Variants in GALNT15 observed in about 807,000 individuals in gnomAD.
The protein encoded by GALNT15 is polypeptide N-acetylgalactosaminyltransferase 15.
In GALNT15, 67 loss-of-function variants were observed where a neutral mutation model predicts 66.8. The ratio of observed to expected loss-of-function variants is 1.00; its 90% confidence interval spans 0.82 to 1.23. The LOEUF (loss-of-function observed/expected upper bound fraction) is 1.23, where lower values mean the gene tolerates loss of function less well. Ranked by LOEUF, GALNT15 falls within the 50% of genes most tolerant of loss-of-function variation. The pLI is 0.00. For missense variants in GALNT15, 827 were observed against 804.3 expected, an observed-to-expected ratio of 1.03 and a Z score of -0.34; for synonymous variants, 313 against 311.5, an observed-to-expected ratio of 1.00 and a Z score of -0.05.
At chr3:16,197,182 C>A (rs888182084) in intron 2 of GALNT15, among the ~76,000 whole-genome samples, 1 of 152,204 alleles carries the variant, frequency 6.6e-6, no homozygotes, top group Non-Finnish European at 1.5e-5. Flanking sequence ...AGCTGTGTTA[C>A]GTCTGTGCCC....
chr3:16,231,685 A>T, downstream of GALNT15: 2 of 837,988 alleles, frequency 2.4e-6, no homozygotes, highest in Admixed American at 2.4e-5. The surrounding 1 kb of genome is among the most constrained non-coding windows in gnomAD (Gnocchi z 4.1). Flanking sequence ...AACAATTCCC[A>T]AACTGTTCAG....
chr3:16,224,560 C>T lies in GALNT15; in HGVS notation c.1773+1802C>T, dbSNP rs1331421078. Among the ~76,000 whole-genome samples, 2 of 146,190 alleles carry T rather than the reference C, an allele frequency of 1.4e-5. No individual in the cohort carries two copies. The highest frequency in any genetic ancestry group is 3.0e-5 in the Non-Finnish European group (2 of 67,308). The stretch of plus-strand genomic sequence containing the variant: ...TAATGGTTATAGAGTTTCACTTTTA[C>T]AAGATGAAAAAGTTCTGGATATCTG... On this transcript the variant is annotated intron_variant, in intron 9 of 9. Coordinates refer to ENST00000339732, the MANE Select transcript of GALNT15 (RefSeq NM_054110.5). The surrounding 1 kb of genome is among the most constrained non-coding windows in gnomAD (Gnocchi z 5.2).
rs2063742104 is a variant in GALNT15, at chr3:16,204,962, T to TGTGC, written c.912-3540_912-3539insTGCG. ...GCGAGCATGTGCGTGCGTGTGTGTG[T>TGTGC]GCGCGCGCATGTGCGCGTCAAGGAG... On this transcript the variant is annotated intron_variant, in intron 3 of 9. Coordinates refer to ENST00000339732, the MANE Select transcript of GALNT15 (RefSeq NM_054110.5). The surrounding 1 kb of genome is among the most constrained non-coding windows in gnomAD (Gnocchi z 4.5). Among the ~76,000 whole-genome samples the TGTGC allele has an allele frequency of 6.6e-6, 1 of 152,032 alleles. No individual in the cohort carries two copies. The highest frequency in any genetic ancestry group is 2.4e-5 in the African/African-American group (1 of 41,394).
rs2063809714 is a variant in GALNT15, at chr3:16,211,130, T to C, written c.1086T>C (p.Pro362=). ...LQSPISPIRS[P]VVPGEVVAMD... The stretch of plus-strand genomic sequence containing the variant: ...GCCTGTCTTCTGTGTCCAGGAGCCC[T>C]GTGGTGCCCGGAGAGGTGGTGGCCA... Residue 362 remains proline (P), a synonymous_variant, in exon 5 of 10, where the codon CCT becomes CCC. Coordinates refer to ENST00000339732, the MANE Select transcript of GALNT15 (RefSeq NM_054110.5). This position sits in a 1 kb window ranked among gnomAD's most constrained non-coding sequence, Gnocchi z 4.3. 6.2e-7 allele frequency: 1 copy of C among 1,611,570 alleles called. No individual in the cohort carries two copies. Among genetic ancestry groups the C allele is most frequent in the Non-Finnish European group, 8.5e-7 (1 of 1,177,832 alleles).
At chr3:16,190,976 G>C (rs1001334991) in intron 1 of GALNT15, among the ~76,000 whole-genome samples, 1 of 152,232 alleles carries the variant, frequency 6.6e-6, no homozygotes, top group African/African-American at 2.4e-5. Flanking sequence ...TTTCTGAGCT[G>C]ATGCCAGGAG....
Position 16,188,478 on chromosome 3 carries a change from G to C in GALNT15, c.540-7282G>C, listed in dbSNP as rs1458576760. ...AAACTGGACTAAATTTCCTCCCAGT[G>C]ACATCAGCTGTTCCTTTTAGGTGGG... On this transcript the variant is annotated intron_variant, in intron 1 of 9. Transcript: ENST00000339732. This position sits in a 1 kb window ranked among gnomAD's most constrained non-coding sequence, Gnocchi z 4.6. Among the ~76,000 whole-genome samples the C allele has an allele frequency of 6.6e-6, 1 of 152,198 alleles. No individual in the cohort carries two copies. The highest frequency in any genetic ancestry group is 1.5e-5 in the Non-Finnish European group (1 of 68,034).
At chr3:16,199,185 G>GGT (rs1261571320) in intron 2 of GALNT15, among the ~76,000 whole-genome samples, 2 of 140,842 alleles carry the variant, frequency 1.4e-5, no homozygotes, top group African/African-American at 5.3e-5. Flanking sequence ...TGTTCCTCTT[G>GGT]GTGTGTGTGT....
At position 16,191,575 on chromosome 3, in the gene GALNT15, C is replaced by A. The variant is rs2063579751; in HGVS notation, c.540-4185C>A. ...CAACCTGAGTTACCAGGTGAGACTG[C>A]CACCCGGCAGAGAATGTTCTGTGAA... On this transcript the variant is annotated intron_variant, in intron 1 of 9. Coordinates refer to ENST00000339732, the MANE Select transcript of GALNT15 (RefSeq NM_054110.5). The surrounding 1 kb of genome is among the most constrained non-coding windows in gnomAD (Gnocchi z 5.2). Among the ~76,000 whole-genome samples the A allele has an allele frequency of 6.6e-6, 1 of 152,158 alleles. No individual in the cohort carries two copies. Among genetic ancestry groups the A allele is most frequent in the African/African-American group, 2.4e-5 (1 of 41,418 alleles).
chr3:16,187,124 C>G lies in GALNT15; in HGVS notation c.540-8636C>G, dbSNP rs890404130. Among the ~76,000 whole-genome samples, 12 of 151,954 alleles carry G rather than the reference C, an allele frequency of 7.9e-5. No individual in the cohort carries two copies. Among genetic ancestry groups the G allele is most frequent in the African/African-American group, 2.9e-4 (12 of 41,362 alleles). Reference sequence around the variant, plus strand: ...ACAAAAAATACAAAAATTAGCGAGGCATGGTGGTGCATGCCTGTAATCCCA... The same window carrying G: ...ACAAAAAATACAAAAATTAGCGAGGGATGGTGGTGCATGCCTGTAATCCCA... On this transcript the variant is annotated intron_variant, in intron 1 of 9. Coordinates refer to ENST00000339732, the MANE Select transcript of GALNT15 (RefSeq NM_054110.5). The surrounding 1 kb of genome is among the most constrained non-coding windows in gnomAD (Gnocchi z 5.1).
Position 16,195,926 on chromosome 3 carries a change from G to A in GALNT15, c.706G>A (p.Gly236Arg), listed in dbSNP as rs991100172. The change falls in exon 2 of 10, where the codon GGA (glycine) becomes AGA (arginine). Residue 236 changes from glycine to arginine, a missense_variant and splice_region_variant. Transcript: ENST00000339732. The surrounding 1 kb of genome is among the most constrained non-coding windows in gnomAD (Gnocchi z 4.6). ...CCTCGTGGACGACCTCAGCCAGCAA[G>A]GTAGCCACGGCTTTCCTCCAGGCTC... is the stretch of plus-strand genomic sequence containing the variant. ...IILVDDLSQQ[G>R]QLKSALSEYV... The A allele has an allele frequency of 3.7e-6, 6 of 1,613,888 alleles. No homozygotes were observed. In the African/African-American group the frequency reaches 6.7e-5, roughly 18 times the overall value.
rs541097542 is a variant in GALNT15, at chr3:16,189,614, C to A, written c.540-6146C>A. 4.0e-4 allele frequency among the ~76,000 whole-genome samples: 61 copies of A among 152,328 alleles called. No individual in the cohort carries two copies. Among genetic ancestry groups the A allele is most frequent in the African/African-American group, 1.4e-3 (57 of 41,576 alleles). ...CATTTTACATAGCCCTTTAAAGTAA[C>A]CCTACTTGTTATCCTCATTTTATAG... On this transcript the variant is annotated intron_variant, in intron 1 of 9. Coordinates refer to ENST00000339732, the MANE Select transcript of GALNT15 (RefSeq NM_054110.5). The surrounding 1 kb of genome is among the most constrained non-coding windows in gnomAD (Gnocchi z 5.1).
At chr3:16,241,796 C>T in the GALNT15 span, among the ~76,000 whole-genome samples, 46 of 152,186 alleles carry the variant, frequency 3.0e-4, no homozygotes, top group Admixed American at 1.4e-3. This position sits in a 1 kb window ranked among gnomAD's most constrained non-coding sequence, Gnocchi z 4.6. Flanking sequence ...GATCCACTCA[C>T]CTCGGCCTCC....
In GALNT15 at chr3:16,209,915, G is replaced by T. The variant is rs1271828136; in HGVS notation, c.1080-1209G>T. ...ATTGGCCTTATTTATCCCACTTACT[G>T]CTTACTGTGAAAATATGTGTGTTTC... is the stretch of plus-strand genomic sequence containing the variant. On this transcript the variant is annotated intron_variant, in intron 4 of 9. Coordinates refer to ENST00000339732, the MANE Select transcript of GALNT15 (RefSeq NM_054110.5). This position sits in a 1 kb window ranked among gnomAD's most constrained non-coding sequence, Gnocchi z 4.1. Among the ~76,000 whole-genome samples, 1 of 152,198 alleles carries T rather than the reference G, an allele frequency of 6.6e-6. No individual in the cohort carries two copies. The highest frequency in any genetic ancestry group is 1.5e-5 in the Non-Finnish European group (1 of 68,040).
At chr3:16,238,993 C>T in the GALNT15 span, among the ~76,000 whole-genome samples, 1 of 152,188 alleles carries the variant, frequency 6.6e-6, no homozygotes, top group Non-Finnish European at 1.5e-5. The surrounding 1 kb of genome is among the most constrained non-coding windows in gnomAD (Gnocchi z 4.8). Flanking sequence ...TAAACTTCCA[C>T]TCACCATTCC....
chr3:16,193,492 T>TA lies in GALNT15; in HGVS notation c.540-2267dup, dbSNP rs1163530362. Among the ~76,000 whole-genome samples, 3 of 152,230 alleles carry TA rather than the reference T, an allele frequency of 2.0e-5. No homozygotes were observed. Among genetic ancestry groups the TA allele is most frequent in the African/African-American group, 7.2e-5 (3 of 41,462 alleles). ...AAACCAACAAAATAATTAGCTCCTT[T>TA]ATGAGATGTTTATGTGTTTTTAAAA... On this transcript the variant is annotated intron_variant, in intron 1 of 9. Coordinates refer to ENST00000339732, the MANE Select transcript of GALNT15 (RefSeq NM_054110.5). This position sits in a 1 kb window ranked among gnomAD's most constrained non-coding sequence, Gnocchi z 4.7.
At chr3:16,208,450 C>G in intron 3 of GALNT15, 53 bp from the exon 4 acceptor site, 2 of 1,586,030 alleles carry the variant, frequency 1.3e-6, no homozygotes, top group South Asian at 1.1e-5. Context: ...CTGTTTCCAG[C>G]CCCAGCAAGT....
chr3:16,206,387 AAAAAG>A (rs1241403266), intron 3 of GALNT15, among the ~76,000 whole-genome samples: 1 of 151,914 alleles, frequency 6.6e-6, no homozygotes, highest in Non-Finnish European at 1.5e-5. Flanking sequence ...TTAAAAAAAA[AAAAAG>A]GCCGGGCGCG....
Position 16,175,694 on chromosome 3 carries a change from A to C in GALNT15, c.539+4A>C, listed in dbSNP as rs779359425. 6.4e-7 allele frequency: 1 copy of C among 1,559,978 alleles called. No individual in the cohort carries two copies. Among genetic ancestry groups the C allele is most frequent in the East Asian group, 2.3e-5 (1 of 44,288 alleles). ...TGCCCGAGGTGCGGCACCCACTGTAAGTAAGGCCCTTGTTTTCCCTTCCCT... is the reference window on the plus strand; with the variant it reads ...TGCCCGAGGTGCGGCACCCACTGTACGTAAGGCCCTTGTTTTCCCTTCCCT... On this transcript the variant is annotated splice_donor_region_variant and intron_variant, in intron 1 of 9. Coordinates refer to ENST00000339732, the MANE Select transcript of GALNT15 (RefSeq NM_054110.5). This position sits in a 1 kb window ranked among gnomAD's most constrained non-coding sequence, Gnocchi z 5.6.
At chr3:16,220,133 C>A in intron 8 of GALNT15, 119 bp downstream of exon 8, 1 of 762,564 alleles carries the variant, frequency 1.3e-6, no homozygotes, top group Non-Finnish European at 2.3e-6. Flanking sequence ...GTCCCATGTC[C>A]CTTGACTGCC....
Sources: allele counts gnomAD v4.1 joint callset (sites outside exome capture counted in the v4.1 genomes callset), GRCh38; gene constraint gnomAD v4.1.1; non-coding constraint Gnocchi (gnomAD v3.1); transcripts MANE v1.5; gene names NCBI Gene and HGNC (gene_info 2026-07-23, HGNC 2026-07-21).